The following CDCA2 variants were observed in gnomAD, a reference collection of about 807,000 sequenced individuals.
CDCA2 encodes the protein cell division cycle associated 2.
Under a neutral mutation model 67.0 loss-of-function variants are expected in CDCA2, and 44 were observed. The observed-to-expected ratio is 0.66, with a 90% CI of 0.52 to 0.84. The LOEUF (loss-of-function observed/expected upper bound fraction) is 0.84, where lower values mean the gene tolerates loss of function less well. Among genes scored for constraint, CDCA2 ranks in the 40% least tolerant of loss-of-function variants. The pLI is 0.00. For missense variants in CDCA2, 1,253 were observed against 1,203.2 expected, an observed-to-expected ratio of 1.04 and a Z score of -0.61; for synonymous variants, 447 against 418.7, an observed-to-expected ratio of 1.07 and a Z score of -0.82.
Position 25,469,901 on chromosome 8 carries a change from AT to A in CDCA2, c.742del (p.Ser248LeufsTer11). The A allele has an allele frequency of 3.1e-6, 5 of 1,606,840 alleles. No homozygotes were observed. Among genetic ancestry groups the A allele is most frequent in the South Asian group, 1.1e-5 (1 of 90,440 alleles). On this transcript the variant is annotated frameshift_variant, in exon 7 of 15. Transcript: ENST00000330560. LOFTEE classifies it high-confidence loss of function. ...ETSVDLSEISSKLGSTQSGFL... is the reference protein window; with the variant it reads ...ETSVDLSEISXKLGSTQSGFL... ...TCTTTCAATTTTTCCCCAAGATATC[AT>A]CTAAACTTGGTTCAACACAGTCTGG...
intron 5 of CDCA2, among the ~76,000 whole-genome samples, 189 bp from the exon 6 acceptor site, chr8:25,468,028 G>T (rs557597700): frequency 7.1e-6 from 1 of 140,086 alleles, no homozygotes; most frequent in East Asian, 2.3e-4. Flanking sequence ...TGAGGCAGGA[G>T]TATCACTTGA....
intron 7 of CDCA2, among the ~76,000 whole-genome samples, chr8:25,473,711 A>G (rs1011377399): frequency 6.6e-6 from 1 of 152,244 alleles, no homozygotes; most frequent in Non-Finnish European, 1.5e-5. Flanking sequence ...TATAATCCAG[A>G]GACAGAATTT....
chr8:25,498,445 T>G (rs1804324858), intron 13 of CDCA2, among the ~76,000 whole-genome samples: 4 of 117,004 alleles, frequency 3.4e-5, no homozygotes, highest in Admixed American at 9.7e-5. Flanking sequence ...TGTCCTCAGG[T>G]AATCTGCACC....
chr8:25,507,319 A>C lies in CDCA2; in HGVS notation c.2653A>C (p.Asn885His), dbSNP rs200312075. The C allele has an allele frequency of 2.4e-5, 38 of 1,614,082 alleles. No homozygotes were observed. Among genetic ancestry groups the C allele is most frequent in the Admixed American group, 1.7e-5 (1 of 59,998 alleles). Residue 885 changes from asparagine (N) to histidine (H), a missense_variant, in exon 15 of 15, where the codon AAT (asparagine) becomes CAT (histidine). Transcript: ENST00000330560. Reference sequence around the variant, plus strand: ...CATTGAGCAAACCTTTCAGAGGAGAAATAGTGAAACCAAAGTGCGACGTAG... The same window carrying C: ...CATTGAGCAAACCTTTCAGAGGAGACATAGTGAAACCAAAGTGCGACGTAG... The part of the protein sequence containing the change: ...DAIEQTFQRR[N>H]SETKVRRSTR...
chr8:25,478,718 A>C (rs1803443661), intron 7 of CDCA2, among the ~76,000 whole-genome samples: 1 of 151,956 alleles, frequency 6.6e-6, no homozygotes, highest in African/African-American at 2.4e-5. Context: ...TGTGTGCATA[A>C]TGTCCATCCC....
chr8:25,468,182 G>C (rs769250855), intron 5 of CDCA2, 35 bp from the exon 6 acceptor site: 1 of 1,201,794 alleles, frequency 8.3e-7, no homozygotes, highest in Admixed American at 2.5e-5. Flanking sequence ...AAACATTTAT[G>C]CCTGTGTCGT....
In CDCA2 at chr8:25,483,899, T is replaced by C. The variant is rs376722797; in HGVS notation, c.1121-67T>C. On this transcript the variant is annotated intron_variant, in intron 9 of 14. Transcript: ENST00000330560. ...ATATTATCACATTAAAAGATTCTAG[T>C]ATATGCCTTTTAGATAAGAAATATA... is the stretch of plus-strand genomic sequence containing the variant. 1.8e-5 allele frequency: 24 copies of C among 1,323,560 alleles called. No homozygotes were observed. The African/African-American group carries it at 2.2e-4, about 12-fold the overall frequency. 82.0% of individuals were successfully genotyped at this position (1,323,560 alleles called of 1,614,324 possible). A position where few individuals can be genotyped will look rare whatever the true frequency, so the allele number is the denominator to read the frequency against.
rs980932159 is a variant in CDCA2 at position 25,476,609 on chromosome 8, A to G, written c.821-3304A>G. Among the ~76,000 whole-genome samples, 5 of 151,278 alleles carry G rather than the reference A, an allele frequency of 3.3e-5. No homozygotes were observed. In the East Asian group the frequency reaches 5.8e-4, roughly 18 times the overall value. On this transcript the variant is annotated intron_variant, in intron 7 of 14. Transcript: ENST00000330560. Reference sequence around the variant, plus strand: ...ACTCTGCCGCCCAGGCTGTAGTGCAATGGTGCGGCCCCAGCTCACTGCAAC... The same window carrying G: ...ACTCTGCCGCCCAGGCTGTAGTGCAGTGGTGCGGCCCCAGCTCACTGCAAC...
At chr8:25,497,493 AAAAAAT>A (rs1203349293) in intron 13 of CDCA2, among the ~76,000 whole-genome samples, 2 of 5,998 alleles carry the variant, frequency 3.3e-4, no homozygotes, top group South Asian at 0.01. Context: ...TGGAATCTTT[AAAAAAT>A]AAAAAATAAA....
intron 13 of CDCA2, among the ~76,000 whole-genome samples, chr8:25,492,332 C>T (rs899302427): frequency 4.6e-5 from 7 of 152,140 alleles, no homozygotes; most frequent in African/African-American, 1.7e-4. Flanking sequence ...CAGGACACAA[C>T]GGATCTAACA....
intron 13 of CDCA2, among the ~76,000 whole-genome samples, chr8:25,489,458 G>A (rs1298686859): frequency 2.0e-5 from 3 of 152,020 alleles, no homozygotes; most frequent in Non-Finnish European, 4.4e-5. Flanking sequence ...TCTCAATTCC[G>A]GATCCTTTTC....
intron 13 of CDCA2, among the ~76,000 whole-genome samples, chr8:25,497,935 GT>G (rs1554526734): frequency 1.3e-5 from 2 of 152,116 alleles, no homozygotes; most frequent in Non-Finnish European, 2.9e-5. Context: ...CTCACCTACT[GT>G]AGTGAGCCAA....
chr8:25,480,460 C>T (rs1218920274), intron 8 of CDCA2, among the ~76,000 whole-genome samples: 2 of 152,048 alleles, frequency 1.3e-5, no homozygotes, highest in Non-Finnish European at 2.9e-5. Flanking sequence ...ATATTAATTA[C>T]TTAATCATAA....
Position 25,466,285 on chromosome 8 carries a change from A to T in CDCA2, c.498A>T (p.Glu166Asp), listed in dbSNP as rs1408255029. 6.2e-7 allele frequency: 1 copy of T among 1,610,288 alleles called. No homozygotes were observed. The highest frequency in any genetic ancestry group is 8.5e-7 in the Non-Finnish European group (1 of 1,179,112). ...ACGAGAAAATGACCGGCTGTCTGGA[A>T]TTCTCAGAGGCAGGAAAAGAGTCCG... ...KENEKMTGCL[E>D]FSEAGKESEM... Residue 166 changes from glutamate (E) to aspartate (D), a missense_variant, in exon 5 of 15, where the codon GAA (glutamate) becomes GAT (aspartate). Glu to Asp is a conservative substitution (Grantham distance 45). Transcript: ENST00000330560.
intron 13 of CDCA2, among the ~76,000 whole-genome samples, chr8:25,494,004 A>G (rs769850919): frequency 1.3e-5 from 2 of 152,264 alleles, no homozygotes; most frequent in Non-Finnish European, 2.9e-5. Flanking sequence ...ATGCTCATCA[A>G]TATGAGACTT....
At chr8:25,500,830 T>A (rs1804444928) in intron 13 of CDCA2, among the ~76,000 whole-genome samples, 1 of 152,146 alleles carries the variant, frequency 6.6e-6, no homozygotes, top group African/African-American at 2.4e-5. Flanking sequence ...TTATGTGGAG[T>A]GTGCTGTTGT....
Position 25,483,900 on chromosome 8 carries a change from A to G in CDCA2, c.1121-66A>G, listed in dbSNP as rs1264052524. 7.5e-6 allele frequency: 10 copies of G among 1,335,314 alleles called. No individual in the cohort carries two copies. The African/African-American group carries it at 1.3e-4, about 18-fold the overall frequency. The allele number at this position is 1,335,314 out of a possible 1,614,324, so 82.7% of individuals were successfully genotyped here. A position where few individuals can be genotyped will look rare whatever the true frequency, so the allele number is the denominator to read the frequency against. On this transcript the variant is annotated intron_variant, in intron 9 of 14. Coordinates refer to ENST00000330560, the MANE Select transcript of CDCA2 (RefSeq NM_152562.4). ...TATTATCACATTAAAAGATTCTAGT[A>G]TATGCCTTTTAGATAAGAAATATAG...
chr8:25,474,110 A>C (rs1803260032), intron 7 of CDCA2, among the ~76,000 whole-genome samples: 2 of 152,208 alleles, frequency 1.3e-5, no homozygotes, highest in African/African-American at 2.4e-5. Context: ...AGATTTGCAT[A>C]TGTTGAACCA....
chr8:25,468,511 G>A, intron 6 of CDCA2, 98 bp downstream of exon 6: 1 of 873,060 alleles, frequency 1.1e-6, no homozygotes. Context: ...TTAGTACCTT[G>A]TTCTGCCCTG....
Sources: gnomAD v4.1 joint callset for allele counts (sites outside exome capture counted in the v4.1 genomes callset) on GRCh38, gnomAD v4.1.1 for gene constraint, MANE v1.5 for transcripts, NCBI Gene and HGNC (gene_info 2026-07-23, HGNC 2026-07-21) for gene names.